The following IPMK variants were observed in gnomAD, a reference collection of about 807,000 sequenced individuals.
The protein encoded by IPMK is inositol polyphosphate multikinase, also known as inositol 1,3,4,6-tetrakisphosphate 5-kinase.
A neutral mutation model predicts 45.8 loss-of-function variants in IPMK; 17 were observed. That is an observed-to-expected ratio of 0.37 (90% confidence interval 0.25 to 0.56). IPMK has a LOEUF of 0.56. Among genes scored for constraint, IPMK ranks in the 20% least tolerant of loss-of-function variants. The pLI, the probability that IPMK is intolerant of heterozygous loss-of-function variation, is 0.79. For synonymous variants in IPMK, 180 were observed against 184.3 expected (o/e 0.98, Z 0.19); for missense variants, 399 against 498.0 (o/e 0.80, Z 1.89).
At chr10:58,221,829 A>G (rs1469885954) in intron 3 of IPMK, among the ~76,000 whole-genome samples, 1 of 151,616 alleles carries the variant, frequency 6.6e-6, no homozygotes, top group East Asian at 1.9e-4. Flanking sequence ...GCTCACTGCA[A>G]CCTCCACCTC....
intron 5 of IPMK, among the ~76,000 whole-genome samples, chr10:58,198,925 C>T (rs903327092): frequency 6.6e-6 from 1 of 151,896 alleles, no homozygotes; most frequent in East Asian, 1.9e-4. Flanking sequence ...CGTTTACTTA[C>T]AAAATAATTT....
chr10:58,262,526 G>T (rs1839087685), intron 1 of IPMK, among the ~76,000 whole-genome samples: 1 of 152,144 alleles, frequency 6.6e-6, no homozygotes, highest in Non-Finnish European at 1.5e-5. Context: ...TGGAAGAAAT[G>T]ATACTCCAAC....
At chr10:58,218,307 C>T (rs908291881) in intron 3 of IPMK, among the ~76,000 whole-genome samples, 1 of 152,148 alleles carries the variant, frequency 6.6e-6, no homozygotes, top group Non-Finnish European at 1.5e-5. Flanking sequence ...GTGGAAATAT[C>T]CTGATCAAGG....
intron 1 of IPMK, among the ~76,000 whole-genome samples, chr10:58,242,165 CAG>C (rs1357569225): frequency 6.6e-6 from 1 of 152,020 alleles, no homozygotes; most frequent in Non-Finnish European, 1.5e-5. Flanking sequence ...AATAATCAGA[CAG>C]GGGAACTTAA....
At chr10:58,244,114 G>GGA (rs1248017984) in intron 1 of IPMK, among the ~76,000 whole-genome samples, 1 of 142,688 alleles carries the variant, frequency 7.0e-6, no homozygotes. Context: ...CTGGGAAGTG[G>GGA]GCGCCTCTGC....
Position 58,196,189 on chromosome 10 carries a change from C to G in IPMK, c.1138G>C (p.Glu380Gln). The G allele has an allele frequency of 6.2e-7, 1 of 1,614,126 alleles. No individual in the cohort carries two copies. Among genetic ancestry groups the G allele is most frequent in the Non-Finnish European group, 8.5e-7 (1 of 1,179,994 alleles). Reference protein sequence around the residue: ...PTGCQEIAEVEVRMIDFAHVF... With the variant: ...PTGCQEIAEVQVRMIDFAHVF... ...TGAGCAAAATCTATCATTCGCACTT[C>G]TACTTCAGCAATCTCTTGGCAACCA... is the stretch of plus-strand genomic sequence containing the variant. Residue 380 changes from glutamate to glutamine, a missense_variant, in exon 6 of 6, where the codon GAA becomes CAA. Glu to Gln is a conservative substitution (Grantham distance 29). This residue lies in a region of IPMK where 288 missense variants were observed against 398.0 expected (regional missense o/e 0.72). Coordinates refer to ENST00000373935, the MANE Select transcript of IPMK (RefSeq NM_152230.5).
At chr10:58,219,679 A>G (rs944211829) in intron 3 of IPMK, among the ~76,000 whole-genome samples, 1 of 152,206 alleles carries the variant, frequency 6.6e-6, no homozygotes, top group African/African-American at 2.4e-5. Context: ...CCATCATTGG[A>G]TTATGAATTC....
At chr10:58,235,895 T>G (rs1838605117) in intron 2 of IPMK, among the ~76,000 whole-genome samples, 1 of 151,606 alleles carries the variant, frequency 6.6e-6, no homozygotes, top group South Asian at 2.1e-4. Context: ...CTATCAAGCC[T>G]TTAAGGAACA....
At chr10:58,240,905 G>T (rs756294150) in intron 1 of IPMK, among the ~76,000 whole-genome samples, 1 of 152,090 alleles carries the variant, frequency 6.6e-6, no homozygotes, top group African/African-American at 2.4e-5. Context: ...ACCATCAGAG[G>T]TACAGGCATT....
chr10:58,263,149 G>T (rs1839099671), intron 1 of IPMK, among the ~76,000 whole-genome samples: 1 of 152,178 alleles, frequency 6.6e-6, no homozygotes, highest in African/African-American at 2.4e-5. Flanking sequence ...ACTTTGGGAG[G>T]CTGAAGCAGA....
chr10:58,228,216 G>A (rs941430677), intron 2 of IPMK, among the ~76,000 whole-genome samples: 2 of 152,122 alleles, frequency 1.3e-5, no homozygotes, highest in Non-Finnish European at 2.9e-5. Flanking sequence ...CAAGACGGAG[G>A]AATGAAGTAG....
intron 1 of IPMK, among the ~76,000 whole-genome samples, chr10:58,253,179 C>A (rs1490848550): frequency 6.6e-6 from 1 of 152,194 alleles, no homozygotes; most frequent in African/African-American, 2.4e-5. Context: ...CACAAGCTGT[C>A]TTGCCTGCCG....
chr10:58,260,460 A>G (rs1839047613), intron 1 of IPMK, among the ~76,000 whole-genome samples: 1 of 152,202 alleles, frequency 6.6e-6, no homozygotes, highest in Non-Finnish European at 1.5e-5. Flanking sequence ...ATTTTTAGGC[A>G]ATATACACAA....
At chr10:58,217,767 A>G (rs1365356348) in intron 3 of IPMK, among the ~76,000 whole-genome samples, 1 of 151,876 alleles carries the variant, frequency 6.6e-6, no homozygotes, top group Non-Finnish European at 1.5e-5. Flanking sequence ...GGAATGTAAC[A>G]AGAAGTATTT....
intron 1 of IPMK, among the ~76,000 whole-genome samples, chr10:58,243,035 A>G (rs1838719336): frequency 1.3e-5 from 2 of 152,108 alleles, no homozygotes; most frequent in Non-Finnish European, 2.9e-5. Context: ...TGCCTCCTCT[A>G]CAGTCTGTGG....
chr10:58,196,068 C>T lies in IPMK; in HGVS notation c.*8G>A, dbSNP rs773621587. 1.9e-6 allele frequency: 3 copies of T among 1,605,620 alleles called. No homozygotes were observed. The highest frequency in any genetic ancestry group is 1.1e-5 in the South Asian group (1 of 89,990). On this transcript the variant is annotated 3_prime_UTR_variant, in exon 6 of 6. Transcript: ENST00000373935. ...GGCCCACCCCTTAAAAAGACTGCAA[C>T]AGAGGATTCAATTGTCTAAAATACT...
intron 4 of IPMK, among the ~76,000 whole-genome samples, chr10:58,208,986 G>A (rs1485615940): frequency 1.3e-5 from 2 of 152,140 alleles, no homozygotes; most frequent in South Asian, 4.1e-4. Flanking sequence ...CCAAGTCAGC[G>A]GGAAAACTAT....
Position 58,260,160 on chromosome 10 carries a change from A to G in IPMK, c.190+7262T>C, listed in dbSNP as rs893214769. 6.6e-4 allele frequency among the ~76,000 whole-genome samples: 101 copies of G among 152,222 alleles called. 1 individual carries two copies. The highest frequency in any genetic ancestry group is 2.4e-3 in the African/African-American group (99 of 41,458). On this transcript the variant is annotated intron_variant, in intron 1 of 5. Coordinates refer to ENST00000373935, the MANE Select transcript of IPMK (RefSeq NM_152230.5). Reference sequence around the variant, plus strand: ...CATATAATATTCTTACCAAAAATGCATAATCTGAATATAATCATGACAAAA... The same window carrying G: ...CATATAATATTCTTACCAAAAATGCGTAATCTGAATATAATCATGACAAAA...
chr10:58,200,060 A>G (rs1361867606), intron 4 of IPMK, among the ~76,000 whole-genome samples: 2 of 152,216 alleles, frequency 1.3e-5, no homozygotes, highest in African/African-American at 2.4e-5. Flanking sequence ...ATAATAAACT[A>G]TATCAATTTT....
Sources: gnomAD v4.1 joint callset for allele counts (sites outside exome capture counted in the v4.1 genomes callset) on GRCh38, gnomAD v4.1.1 for gene constraint, gnomAD v4.1.1 regional missense constraint, MANE v1.5 for transcripts, NCBI Gene and HGNC (gene_info 2026-07-23, HGNC 2026-07-21) for gene names.